Variants in PKHD1 observed in about 807,000 individuals in gnomAD.
PKHD1 encodes fibrocystin.
In PKHD1, 291 loss-of-function variants were observed where a neutral mutation model predicts 412.0. That is an observed-to-expected ratio of 0.71 (90% CI 0.64 to 0.78). The LOEUF (loss-of-function observed/expected upper bound fraction) is 0.78, where lower values mean the gene tolerates loss of function less well. Among genes scored for constraint, PKHD1 ranks in the 30% least tolerant of loss-of-function variants. The probability of loss-of-function intolerance (pLI) is 0.00; values close to 1 mark genes in which losing one functional copy is unlikely to be tolerated. For missense variants in PKHD1, 4,825 were observed against 4,950.7 expected (o/e 0.97, Z 0.76); for synonymous variants, 1,777 against 1,821.5 (o/e 0.98, Z 0.62).
chr6:51,990,378 T>A (rs114591197), intron 35 of PKHD1, among the ~76,000 whole-genome samples: 1 of 152,176 alleles, frequency 6.6e-6, no homozygotes, highest in South Asian at 2.1e-4. Flanking sequence ...ACTGATAATA[T>A]CTGCTCCCCC....
At chr6:51,690,363 A>G (rs1224856804) in intron 60 of PKHD1, among the ~76,000 whole-genome samples, 2 of 152,074 alleles carry the variant, frequency 1.3e-5, no homozygotes, top group African/African-American at 2.4e-5. Context: ...AGCCAAGACA[A>G]TCCTAAGCAA....
Position 52,046,162 on chromosome 6 carries a change from G to A in PKHD1, c.2434C>T (p.His812Tyr). 1 of 1,613,576 alleles carries A rather than the reference G, an allele frequency of 6.2e-7. No individual in the cohort carries two copies. The highest frequency in any genetic ancestry group is 8.5e-7 in the Non-Finnish European group (1 of 1,179,476). The change falls in exon 24 of 67, where the codon CAC (histidine) becomes TAC (tyrosine). Residue 812 changes from histidine (H) to tyrosine (Y), a missense_variant. By Grantham distance (83) the His-to-Tyr change is moderately conservative. Transcript: ENST00000371117. The part of the protein sequence containing the change: ...SDVPVQISAH[H>Y]LHQLLQNNAD... ...TTATTCTGTAAGAGCTGGTGAAGGT[G>A]ATGAGCAGAAATTTGTACAGGGACA...
intron 61 of PKHD1, among the ~76,000 whole-genome samples, chr6:51,655,371 T>C (rs990028522): frequency 6.6e-6 from 1 of 152,102 alleles, no homozygotes; most frequent in Non-Finnish European, 1.5e-5. Flanking sequence ...GTATAATTGA[T>C]TGGCTTTCCT....
Position 51,659,661 on chromosome 6 carries a change from T to C in PKHD1, c.10465A>G (p.Lys3489Glu). 1 of 1,613,808 alleles carries C rather than the reference T, an allele frequency of 6.2e-7. No homozygotes were observed. The highest frequency in any genetic ancestry group is 2.2e-5 in the East Asian group (1 of 44,840). The change falls in exon 61 of 67, where the codon AAA becomes GAA. Residue 3489 changes from lysine (K) to glutamate (E), a missense_variant. Physicochemically the swap from Lys to Glu is moderately conservative, Grantham distance 56. Transcript: ENST00000371117. ...QVLRFFLLGNKSTSKLLLAVF... is the reference protein window; with the variant it reads ...QVLRFFLLGNESTSKLLLAVF... ...GCCAAGAGAAGCTTGGAGGTACTTT[T>C]GTTCCCCAATAGAAAAAAGCGCAAA...
intron 64 of PKHD1, among the ~76,000 whole-genome samples, chr6:51,634,017 A>G (rs1768237937): frequency 6.6e-6 from 1 of 152,102 alleles, no homozygotes; most frequent in Admixed American, 6.6e-5. Flanking sequence ...TGCTTTAAAT[A>G]TGCTTATCAT....
chr6:51,777,679 GAAAAAAAAAAAAAAA>G (rs59379021), intron 53 of PKHD1, among the ~76,000 whole-genome samples: 2,360 of 118,868 alleles, frequency 0.02, 84 homozygotes, highest in African/African-American at 0.073. Flanking sequence ...GAGTCTTTGG[GAAAAAAAAAAAAAAA>G]AAAAAAAAAA....
At chr6:51,941,349 G>A (rs1360352920) in intron 36 of PKHD1, among the ~76,000 whole-genome samples, 29 of 136,190 alleles carry the variant, frequency 2.1e-4, no homozygotes, top group Admixed American at 3.3e-4. Context: ...TCCGCTTCCC[G>A]GGTTCACGCC....
At chr6:51,639,168 T>C (rs1207741892) in intron 63 of PKHD1, among the ~76,000 whole-genome samples, 10 of 152,158 alleles carry the variant, frequency 6.6e-5, no homozygotes, top group Non-Finnish European at 1.3e-4. Flanking sequence ...AGTTCCACTA[T>C]GCCAGACACT....
chr6:51,790,777 G>A (rs1011938232), intron 53 of PKHD1, among the ~76,000 whole-genome samples: 4 of 152,096 alleles, frequency 2.6e-5, no homozygotes, highest in Non-Finnish European at 5.9e-5. Flanking sequence ...TCCCAGTAAA[G>A]TGCTAGCACA....
chr6:51,788,767 T>C (rs1394539070), intron 53 of PKHD1, among the ~76,000 whole-genome samples: 1 of 152,194 alleles, frequency 6.6e-6, no homozygotes, highest in Non-Finnish European at 1.5e-5. Context: ...CCCTTCAAAC[T>C]GTCTAATGCA....
At chr6:51,976,750 C>A (rs1040143046) in intron 35 of PKHD1, among the ~76,000 whole-genome samples, 4 of 152,204 alleles carry the variant, frequency 2.6e-5, no homozygotes, top group Admixed American at 2.6e-4. Context: ...GGGATCGAGA[C>A]CATCCTGGAC....
intron 60 of PKHD1, among the ~76,000 whole-genome samples, chr6:51,675,142 A>G (rs1469000443): frequency 6.6e-6 from 1 of 152,186 alleles, no homozygotes; most frequent in East Asian, 1.9e-4. Flanking sequence ...CAGAGCCACC[A>G]AATGGGTGTA....
At chr6:51,885,404 G>C (rs1778054954) in intron 45 of PKHD1, among the ~76,000 whole-genome samples, 2 of 152,202 alleles carry the variant, frequency 1.3e-5, no homozygotes, top group South Asian at 2.1e-4. Context: ...ACTGGGGCAT[G>C]TATTATTCAG....
intron 60 of PKHD1, among the ~76,000 whole-genome samples, chr6:51,687,398 G>T (rs1420052100): frequency 6.6e-6 from 1 of 152,126 alleles, no homozygotes; most frequent in Non-Finnish European, 1.5e-5. Context: ...TATATTGTAT[G>T]CATTATATAT....
intron 58 of PKHD1, 105 bp from the exon 59 acceptor site, chr6:51,746,994 T>A (rs1335527541): frequency 1.4e-6 from 1 of 711,246 alleles, no homozygotes; most frequent in Admixed American, 2.6e-5. Context: ...TACCCTAAGT[T>A]AGTTAAAGCT....
Position 51,746,790 on chromosome 6 carries a change from G to C in PKHD1, c.9929C>G (p.Thr3310Arg), listed in dbSNP as rs767062156. ...AENSGIMHPI[T>R]AERTRMLKIK... is the part of the protein sequence containing the mutation. ...CTTTAGCATCCTGGTCCTCTCTGCTGTTATTGGGTGCATAATTCCACTGTT... is the reference window on the plus strand; with the variant it reads ...CTTTAGCATCCTGGTCCTCTCTGCTCTTATTGGGTGCATAATTCCACTGTT... Residue 3310 changes from threonine to arginine, a missense_variant, in exon 59 of 67, where the codon ACA (threonine) becomes AGA (arginine). By Grantham distance (71) the Thr-to-Arg change is moderately conservative (BLOSUM62 -1). Coordinates refer to ENST00000371117, the MANE Select transcript of PKHD1 (RefSeq NM_138694.4). The C allele has an allele frequency of 1.2e-6, 2 of 1,611,190 alleles. No individual in the cohort carries two copies. Among genetic ancestry groups the C allele is most frequent in the Non-Finnish European group, 8.5e-7 (1 of 1,177,520 alleles).
At chr6:51,947,142 T>G (rs1229988194) in intron 36 of PKHD1, among the ~76,000 whole-genome samples, 1 of 152,230 alleles carries the variant, frequency 6.6e-6, no homozygotes, top group Non-Finnish European at 1.5e-5. Context: ...AGGCCACAGA[T>G]GGCAACCACA....
intron 35 of PKHD1, among the ~76,000 whole-genome samples, chr6:51,978,004 G>C (rs1015591641): frequency 1.4e-4 from 21 of 152,216 alleles, no homozygotes; most frequent in African/African-American, 5.1e-4. Context: ...AAATGGGCCA[G>C]CCATTCAGAG....
rs529311387 is a variant in PKHD1, at chr6:52,039,525, C to T, written c.3097+3334G>A. Among the ~76,000 whole-genome samples, 3 of 152,310 alleles carry T rather than the reference C, an allele frequency of 2.0e-5. No homozygotes were observed. In the South Asian group the frequency reaches 6.2e-4, roughly 32 times the overall value. On this transcript the variant is annotated intron_variant, in intron 27 of 66. Transcript: ENST00000371117. ...TTTCCTGAGGAATCCCCAGTCAAGC[C>T]TCCTGTATAGCCTGCTGAACTGTGA... is the stretch of plus-strand genomic sequence containing the variant.
Sources: allele counts gnomAD v4.1 joint callset (sites outside exome capture counted in the v4.1 genomes callset), GRCh38; gene constraint gnomAD v4.1.1; transcripts MANE v1.5; gene names NCBI Gene and HGNC (gene_info 2026-07-23, HGNC 2026-07-21).